The following HMGCLL1 variants were observed in gnomAD, a reference collection of about 807,000 sequenced individuals.
HMGCLL1 encodes the protein 3-hydroxymethyl-3-methylglutaryl-CoA lyase, cytoplasmic.
Under a neutral mutation model 39.1 loss-of-function variants are expected in HMGCLL1, and 36 were observed. The ratio of observed to expected loss-of-function variants is 0.92; its 90% CI spans 0.71 to 1.22. The LOEUF (loss-of-function observed/expected upper bound fraction) is 1.22, where lower values mean the gene tolerates loss of function less well. Ranked by LOEUF, HMGCLL1 falls within the 50% of genes most tolerant of loss-of-function variation. The pLI, the probability that HMGCLL1 is intolerant of heterozygous loss-of-function variation, is 0.00. For missense variants in HMGCLL1, 451 were observed against 416.5 expected, an observed-to-expected ratio of 1.08 and a Z score of -0.72; for synonymous variants, 149 against 144.0, an observed-to-expected ratio of 1.03 and a Z score of -0.25.
intron 7 of HMGCLL1, among the ~76,000 whole-genome samples, chr6:55,472,745 TCA>T (rs1765103445): frequency 6.6e-6 from 1 of 151,524 alleles, no homozygotes; most frequent in African/African-American, 2.4e-5. Flanking sequence ...TATGGATGAT[TCA>T]CAAATGTCAA....
chr6:55,628,124 A>ATACTATATATATTT, the HMGCLL1 span, among the ~76,000 whole-genome samples: 1 of 530 alleles, frequency 1.9e-3, no homozygotes, highest in Non-Finnish European at 3.7e-3. Context: ...TATATAAAAT[A>ATACTATATATATTT]AATATATATA....
intron 5 of HMGCLL1, 77 bp from the exon 6 acceptor site, chr6:55,499,376 C>A: frequency 9.1e-7 from 1 of 1,097,864 alleles, no homozygotes; most frequent in Non-Finnish European, 1.3e-6. Context: ...TAAGAATTAG[C>A]TGAAACTGCA....
chr6:55,658,063 AT>A, the HMGCLL1 span, among the ~76,000 whole-genome samples: 1,989 of 150,788 alleles, frequency 0.013, 44 homozygotes, highest in African/African-American at 0.045. Flanking sequence ...TTAAATAAAA[AT>A]TTAAAAAAAA....
the HMGCLL1 span, among the ~76,000 whole-genome samples, chr6:55,622,353 T>C: frequency 6.6e-6 from 1 of 152,088 alleles, no homozygotes; most frequent in Non-Finnish European, 1.5e-5. Flanking sequence ...TTCCAGATCT[T>C]AGAGGAAAGG....
chr6:55,438,161 C>T (rs1035576215), intron 8 of HMGCLL1, among the ~76,000 whole-genome samples: 2 of 152,026 alleles, frequency 1.3e-5, no homozygotes, highest in South Asian at 4.1e-4. Flanking sequence ...GAGCTATTTA[C>T]CCTCATTTAT....
In HMGCLL1 at chr6:55,478,258, G is replaced by A. The variant is rs776970736; in HGVS notation, c.795+17161C>T. Among the ~76,000 whole-genome samples, 12 of 150,656 alleles carry A rather than the reference G, an allele frequency of 8.0e-5. 1 individual carries two copies. The highest frequency in any genetic ancestry group is 4.2e-4 in the South Asian group (2 of 4,810). ...ATTCCCTCTACCTTCTCACCTCTCCGTATGACATCAAAAATAAGATACTGT... is the reference window on the plus strand; with the variant it reads ...ATTCCCTCTACCTTCTCACCTCTCCATATGACATCAAAAATAAGATACTGT... On this transcript the variant is annotated intron_variant, in intron 7 of 8. Coordinates refer to ENST00000274901, the MANE Select transcript of HMGCLL1 (RefSeq NM_001042406.2).
chr6:55,557,337 T>C (rs1444760436), intron 1 of HMGCLL1, among the ~76,000 whole-genome samples: 1 of 152,078 alleles, frequency 6.6e-6, no homozygotes, highest in Non-Finnish European at 1.5e-5. Context: ...ATCAGGCTGG[T>C]GCGCCAAAAT....
chr6:55,496,199 T>A (rs1055030389), intron 6 of HMGCLL1, among the ~76,000 whole-genome samples: 1 of 152,028 alleles, frequency 6.6e-6, no homozygotes, highest in East Asian at 1.9e-4. Context: ...TGCAGACAAA[T>A]CCCATAGCAT....
intron 6 of HMGCLL1, among the ~76,000 whole-genome samples, chr6:55,498,718 G>A (rs1050947841): frequency 9.9e-5 from 15 of 152,086 alleles, no homozygotes; most frequent in Admixed American, 9.2e-4. Context: ...GGGCCTTAAT[G>A]ACTATAACCT....
chr6:55,482,453 A>T (rs1765797134), intron 7 of HMGCLL1, among the ~76,000 whole-genome samples: 1 of 152,122 alleles, frequency 6.6e-6, no homozygotes, highest in Admixed American at 6.5e-5. Context: ...TTACAGCTGA[A>T]GTGGGTATTA....
the HMGCLL1 span, among the ~76,000 whole-genome samples, chr6:55,627,812 G>C: frequency 5.3e-5 from 7 of 131,000 alleles, no homozygotes; most frequent in African/African-American, 1.7e-4. Context: ...GGCTCTCCTT[G>C]CTCCTCAGAT....
At chr6:55,457,325 C>A (rs1764367128) in intron 7 of HMGCLL1, among the ~76,000 whole-genome samples, 1 of 152,102 alleles carries the variant, frequency 6.6e-6, no homozygotes, top group Admixed American at 6.6e-5. Flanking sequence ...CAGACTCCTG[C>A]AGAGATAGCT....
At chr6:55,472,249 A>G (rs1765079629) in intron 7 of HMGCLL1, among the ~76,000 whole-genome samples, 1 of 151,652 alleles carries the variant, frequency 6.6e-6, no homozygotes. Flanking sequence ...GCAATATGTG[A>G]GAGTACCATT....
At chr6:55,662,441 C>T in the HMGCLL1 span, among the ~76,000 whole-genome samples, 2 of 151,662 alleles carry the variant, frequency 1.3e-5, no homozygotes, top group Non-Finnish European at 2.9e-5. Flanking sequence ...TTGAGATTAT[C>T]ATGTGTTTCT....
the HMGCLL1 span, among the ~76,000 whole-genome samples, chr6:55,672,804 G>T: frequency 6.6e-6 from 1 of 151,992 alleles, no homozygotes; most frequent in East Asian, 1.9e-4. Context: ...TGTGTTATTA[G>T]TAATCAGCAC....
intron 3 of HMGCLL1, among the ~76,000 whole-genome samples, chr6:55,532,803 ACATAAT>A (rs1218940271): frequency 0.041 from 5,677 of 138,400 alleles, 375 homozygotes; most frequent in African/African-American, 0.15. Context: ...TCTGTCTCAA[ACATAAT>A]AATAATAATA....
intron 1 of HMGCLL1, among the ~76,000 whole-genome samples, chr6:55,547,195 T>A (rs1751844067): frequency 6.6e-6 from 1 of 152,018 alleles, no homozygotes; most frequent in East Asian, 1.9e-4. Context: ...TAATAATGAA[T>A]CATTCTTTTA....
chr6:55,670,139 T>C, the HMGCLL1 span, among the ~76,000 whole-genome samples: 2 of 151,734 alleles, frequency 1.3e-5, no homozygotes, highest in Non-Finnish European at 2.9e-5. Flanking sequence ...AGCAGAAATA[T>C]GTGAATGACT....
chr6:55,630,922 C>A, the HMGCLL1 span, among the ~76,000 whole-genome samples: 1 of 152,062 alleles, frequency 6.6e-6, no homozygotes, highest in Non-Finnish European at 1.5e-5. Flanking sequence ...AGCATGAGAA[C>A]AGACTAAATC....
Sources: allele counts gnomAD v4.1 joint callset (sites outside exome capture counted in the v4.1 genomes callset), GRCh38; gene constraint gnomAD v4.1.1; transcripts MANE v1.5; gene names NCBI Gene and HGNC (gene_info 2026-07-23, HGNC 2026-07-21).